The following TMEM160 variants were observed in gnomAD, a reference collection of about 807,000 sequenced individuals.
TMEM160 encodes the protein transmembrane protein 160.
In TMEM160, 10 loss-of-function variants were observed where a neutral mutation model predicts 13.9. That is an observed-to-expected ratio of 0.72 (90% CI 0.45 to 1.22). TMEM160 has a LOEUF of 1.22. TMEM160 is among the 50% of genes most tolerant of loss of function. The pLI, the probability that TMEM160 is intolerant of heterozygous loss-of-function variation, is 0.00. For missense variants in TMEM160, 287 were observed against 283.2 expected (o/e 1.01, Z -0.10); for synonymous variants, 159 against 134.8 (o/e 1.18, Z -1.25).
intron 1 of TMEM160, chr19:47,047,952 C>T: frequency 1.0e-6 from 1 of 984,890 alleles, no homozygotes. Context: ...CCTCCCCCTC[C>T]AATCAGCAGA....
In TMEM160 at chr19:47,048,489, A is replaced by G. The variant is rs1300206005; in HGVS notation, c.126T>C (p.Gly42=). Residue 42 remains glycine, a synonymous_variant, in exon 1 of 3, where the codon GGT becomes GGC. Transcript: ENST00000253047. ...GARGSFAPGH[G]PRAGASPPPV... The stretch of plus-strand genomic sequence containing the variant: ...GGGGCGGCGAAGCCCCGGCGCGGGG[A>G]CCGTGGCCGGGGGCGAAGGACCCCC... 19 of 1,420,716 alleles carry G rather than the reference A, an allele frequency of 1.3e-5. No homozygotes were observed. The South Asian group carries it at 2.8e-4, about 21-fold the overall frequency. 88.0% of individuals were successfully genotyped at this position (1,420,716 alleles called of 1,614,324 possible).
chr19:47,046,461 G>A (rs1176672526), intron 2 of TMEM160, 132 bp downstream of exon 2: 1 of 955,222 alleles, frequency 1.0e-6, no homozygotes, highest in South Asian at 1.5e-5. Flanking sequence ...GTCTTCTGGT[G>A]GGGGAAGAAT....
At chr19:47,046,801 C>G in intron 1 of TMEM160, 116 bp from the exon 2 acceptor site, 1 of 749,728 alleles carries the variant, frequency 1.3e-6, no homozygotes. Context: ...CATCCAGCCG[C>G]AAGGCAAGCC....
Position 47,048,618 on chromosome 19 carries a change from T to G in TMEM160, c.-4A>C. The G allele has an allele frequency of 6.5e-7, 1 of 1,534,178 alleles. No individual in the cohort carries two copies. Among genetic ancestry groups the G allele is most frequent in the Non-Finnish European group, 8.7e-7 (1 of 1,149,860 alleles). ...CCCACCACCAGCCGCCTCCCATGAT[T>G]CGCACTACGGCCGCCGCGCGCCGTA... On this transcript the variant is annotated 5_prime_UTR_variant, in exon 1 of 3. Transcript: ENST00000253047.
Position 47,048,537 on chromosome 19 carries a change from C to G in TMEM160, c.78G>C (p.Gln26His). Residue 26 changes from glutamine to histidine, a missense_variant, in exon 1 of 3, where the codon CAG (glutamine) becomes CAC (histidine). By Grantham distance (24) the Gln-to-His change is conservative. Coordinates refer to ENST00000253047, the MANE Select transcript of TMEM160 (RefSeq NM_017854.2). ...CCCGGGCGCCCCCGCTCCGGGGCCGCTGAGGCGGCAGTAGCGACCTCCGGA... is the reference window on the plus strand; with the variant it reads ...CCCGGGCGCCCCCGCTCCGGGGCCGGTGAGGCGGCAGTAGCGACCTCCGGA... ...LRFRRSLLPP[Q>H]RPRSGGARGS... 6.7e-7 allele frequency: 1 copy of G among 1,498,770 alleles called. No homozygotes were observed. Among genetic ancestry groups the G allele is most frequent in the South Asian group, 1.2e-5 (1 of 80,704 alleles). 92.8% of individuals were successfully genotyped at this position (1,498,770 alleles called of 1,614,324 possible).
At chr19:47,046,753 A>T in intron 1 of TMEM160, 68 bp from the exon 2 acceptor site, 4 of 1,191,634 alleles carry the variant, frequency 3.4e-6, no homozygotes, top group Admixed American at 1.7e-5. Flanking sequence ...CCCCTTACCC[A>T]GTCAAACTGA....
At chr19:47,047,452 G>C (rs2057086451) in intron 1 of TMEM160, 1 of 984,716 alleles carries the variant, frequency 1.0e-6, no homozygotes. Flanking sequence ...AGTATGGCCT[G>C]GGCCAATCCC....
intron 2 of TMEM160, 32 bp from the exon 3 acceptor site, chr19:47,046,284 A>ATTGG (rs2057079376): frequency 1.3e-6 from 2 of 1,514,018 alleles, no homozygotes; most frequent in Non-Finnish European, 1.8e-6. Context: ...AACAGGGCCA[A>ATTGG]GGTCGGGGGA....
At chr19:47,047,886 C>T (rs1300697838) in intron 1 of TMEM160, 39 of 984,780 alleles carry the variant, frequency 4.0e-5, no homozygotes, top group South Asian at 4.7e-5. Flanking sequence ...ATGGCCAGTC[C>T]GCTCCATTCT....
chr19:47,046,301 G>A lies in TMEM160; in HGVS notation c.302-49C>T, dbSNP rs1481666770. On this transcript the variant is annotated intron_variant, in intron 2 of 2. Coordinates refer to ENST00000253047, the MANE Select transcript of TMEM160 (RefSeq NM_017854.2). ...CAGGGCCAAGGTCGGGGGATGGTCT[G>A]GGAGCAAAGCCAGGGTTGAGGAGAC... is the stretch of plus-strand genomic sequence containing the variant. The A allele has an allele frequency of 2.3e-5, 34 of 1,503,104 alleles. No individual in the cohort carries two copies. The Admixed American group carries it at 7.6e-4, about 34-fold the overall frequency. 93.1% of individuals were successfully genotyped at this position (1,503,104 alleles called of 1,614,324 possible).
rs1377944205 is a variant in TMEM160, at chr19:47,046,641, C to T, written c.253G>A (p.Gly85Arg). Residue 85 changes from glycine to arginine, a missense_variant, in exon 2 of 3, where the codon GGG becomes AGG. Physicochemically the swap from Gly to Arg is moderately radical, Grantham distance 125. Transcript: ENST00000253047. ...FRNGLLASGI[G>R]VISFMQSDMG... The stretch of plus-strand genomic sequence containing the variant: ...TCACTCTGCATGAAGGAGATGACCC[C>T]GATGCCCGATGCCAGGAGGCCATTG... 40 of 1,612,080 alleles carry T rather than the reference C, an allele frequency of 2.5e-5. No individual in the cohort carries two copies. The highest frequency in any genetic ancestry group is 3.2e-5 in the Non-Finnish European group (38 of 1,179,116).
At chr19:47,047,241 C>A in intron 1 of TMEM160, 3 of 983,554 alleles carry the variant, frequency 3.1e-6, no homozygotes, top group Non-Finnish European at 3.6e-6. Context: ...ATAGTCCCTG[C>A]AGAATGTGGA....
chr19:47,047,072 T>C (rs2122579067), intron 1 of TMEM160, among the ~76,000 whole-genome samples: 1 of 152,230 alleles, frequency 6.6e-6, no homozygotes, highest in African/African-American at 2.4e-5. Context: ...TAGCAGGGTG[T>C]GGTAGCACGT....
At position 47,048,306 on chromosome 19, in the gene TMEM160, GC is replaced by G. The variant is rs546834634; in HGVS notation, c.208+100del. 1,305 of 1,088,218 alleles carry G rather than the reference GC, an allele frequency of 1.2e-3. 8 individuals are homozygous for G. Among genetic ancestry groups the G allele is most frequent in the Middle Eastern group, 0.01 (33 of 3,246 alleles). 67.4% of individuals were successfully genotyped at this position (1,088,218 alleles called of 1,614,324 possible). Reference sequence around the variant, plus strand: ...ACACTGAAGCCCTTCTCGGAGCCGAGCCCGGGCCCCGTTTCCTGCAGAAGCC... The same window carrying G: ...ACACTGAAGCCCTTCTCGGAGCCGAGCCGGGCCCCGTTTCCTGCAGAAGCC... On this transcript the variant is annotated intron_variant, in intron 1 of 2. Transcript: ENST00000253047.
chr19:47,047,250 G>C, intron 1 of TMEM160: 1 of 984,732 alleles, frequency 1.0e-6, no homozygotes, highest in Middle Eastern at 5.2e-4. Flanking sequence ...GCAGAATGTG[G>C]AGGACAATCT....
Position 47,045,970 on chromosome 19 carries a change from C to A in TMEM160, c.*17G>T. ...CGGGCGCTGTCCAGCGCCTGCCAGG[C>A]CCCACGGCCGTGTCGCTCACTCGGG... is the stretch of plus-strand genomic sequence containing the variant. On this transcript the variant is annotated 3_prime_UTR_variant, in exon 3 of 3. Transcript: ENST00000253047. The A allele has an allele frequency of 6.5e-7, 1 of 1,532,282 alleles. No homozygotes were observed. The highest frequency in any genetic ancestry group is 1.2e-5 in the South Asian group (1 of 83,240). The allele number at this position is 1,532,282 out of a possible 1,614,324, so 94.9% of individuals were successfully genotyped here.
At chr19:47,047,458 A>G (rs112787081) in intron 1 of TMEM160, 2 of 984,840 alleles carry the variant, frequency 2.0e-6, no homozygotes, top group Non-Finnish European at 2.4e-6. Flanking sequence ...GCCTGGGCCA[A>G]TCCCATCCAT....
At position 47,048,615 on chromosome 19, in the gene TMEM160, G is replaced by A. The variant is rs758390676; in HGVS notation, c.-1C>T. ...GAGCCCACCACCAGCCGCCTCCCAT[G>A]ATTCGCACTACGGCCGCCGCGCGCC... On this transcript the variant is annotated 5_prime_UTR_variant, in exon 1 of 3. Coordinates refer to ENST00000253047, the MANE Select transcript of TMEM160 (RefSeq NM_017854.2). The A allele has an allele frequency of 3.3e-6, 5 of 1,535,708 alleles. No homozygotes were observed. Among genetic ancestry groups the A allele is most frequent in the South Asian group, 1.2e-5 (1 of 84,458 alleles).
In TMEM160 at chr19:47,046,115, G is replaced by A. The variant is rs1344232734; in HGVS notation, c.439C>T (p.Leu147=). ...VGAGAVLAAS[L]LWACAVGLYM... ...AGGCCCACGGCGCACGCCCAGAGCA[G>A]GCTGGCGGCCAGCACGGCGCCCGCG... The change falls in exon 3 of 3, where the codon CTG becomes TTG. Residue 147 remains leucine, a synonymous_variant. Transcript: ENST00000253047. 2.0e-6 allele frequency: 3 copies of A among 1,515,804 alleles called. No individual in the cohort carries two copies. The highest frequency in any genetic ancestry group is 2.6e-6 in the Non-Finnish European group (3 of 1,138,214). 93.9% of individuals were successfully genotyped at this position (1,515,804 alleles called of 1,614,324 possible). A position where few individuals can be genotyped will look rare whatever the true frequency, so the allele number is the denominator to read the frequency against.
Sources: allele counts gnomAD v4.1 joint callset (sites outside exome capture counted in the v4.1 genomes callset), GRCh38; gene constraint gnomAD v4.1.1; transcripts MANE v1.5; gene names NCBI Gene and HGNC (gene_info 2026-07-23, HGNC 2026-07-21).